The following MAST4 variants were observed in gnomAD, a reference collection of about 807,000 sequenced individuals.
The protein encoded by MAST4 is microtubule-associated serine/threonine-protein kinase 4.
Under a neutral mutation model 162.7 loss-of-function variants are expected in MAST4, and 89 were observed. The observed-to-expected ratio is 0.55, with a 90% CI of 0.46 to 0.65. MAST4 has a LOEUF of 0.65. MAST4 is among the 30% of genes least tolerant of loss of function. MAST4 has a pLI of 0.00. For missense variants in MAST4, 3,153 were observed against 3,374.0 expected (o/e 0.93, Z 1.62); for synonymous variants, 1,479 against 1,361.1 (o/e 1.09, Z -1.91).
intron 7 of MAST4, 105 bp from the exon 8 acceptor site, chr5:67,100,330 A>C: frequency 2.8e-6 from 3 of 1,076,610 alleles, no homozygotes; most frequent in Non-Finnish European, 4.0e-6. Context: ...AAAAAGAAAC[A>C]ATAAAAATGG....
intron 19 of MAST4, among the ~76,000 whole-genome samples, chr5:67,139,495 G>C (rs1006490089): frequency 1.3e-5 from 2 of 152,220 alleles, no homozygotes; most frequent in African/African-American, 4.8e-5. Flanking sequence ...GAGCTGCTCA[G>C]ATGTCACTGC....
At chr5:66,829,343 A>G (rs1379635593) in intron 3 of MAST4, among the ~76,000 whole-genome samples, 1 of 152,066 alleles carries the variant, frequency 6.6e-6, no homozygotes, top group Admixed American at 6.6e-5. Context: ...TTTCCCCGTC[A>G]GTGAAATGAA....
rs182224805 is a variant in MAST4, at chr5:67,095,296, G to C, written c.834-301G>C. On this transcript the variant is annotated intron_variant, in intron 6 of 28. Coordinates refer to ENST00000403625, the MANE Select transcript of MAST4 (RefSeq NM_001164664.2). The stretch of plus-strand genomic sequence containing the variant: ...CCTGCCTTTCTGTTCTTATTCATTT[G>C]AATCTGCTGAGTCTGACCATTGTAA... 1.7e-3 allele frequency among the ~76,000 whole-genome samples: 264 copies of C among 152,220 alleles called. 1 individual carries two copies. Among genetic ancestry groups the C allele is most frequent in the African/African-American group, 6.1e-3 (253 of 41,544 alleles).
intron 3 of MAST4, chr5:66,792,378 G>C (rs191301732): frequency 4.8e-5 from 8 of 167,488 alleles, no homozygotes; most frequent in African/African-American, 1.9e-4. Flanking sequence ...TTTGTTCTTT[G>C]TGTTTATGTC....
At chr5:66,751,419 C>G (rs1461985972) in intron 1 of MAST4, among the ~76,000 whole-genome samples, 1 of 152,070 alleles carries the variant, frequency 6.6e-6, no homozygotes, top group African/African-American at 2.4e-5. Context: ...GAATGTATAA[C>G]TAGAATAACC....
chr5:66,978,054 A>T (rs905116312), intron 4 of MAST4, among the ~76,000 whole-genome samples: 6 of 152,204 alleles, frequency 3.9e-5, no homozygotes, highest in African/African-American at 1.4e-4. Context: ...TTTTATATTG[A>T]TTGCTTATTT....
intron 3 of MAST4, among the ~76,000 whole-genome samples, chr5:66,873,303 G>T (rs575688798): frequency 1.3e-5 from 2 of 152,310 alleles, no homozygotes; most frequent in South Asian, 4.1e-4. Context: ...TACTTGGACA[G>T]TAAATGGCAA....
At chr5:66,750,990 T>C (rs1387459742) in intron 1 of MAST4, among the ~76,000 whole-genome samples, 1 of 152,176 alleles carries the variant, frequency 6.6e-6, no homozygotes, top group Non-Finnish European at 1.5e-5. Context: ...CCCTGACCCC[T>C]GACCCCCAAG....
At position 66,736,151 on chromosome 5, in the gene MAST4, T is replaced by A. The variant is rs561774061; in HGVS notation, c.364-23558T>A. Among the ~76,000 whole-genome samples, 4 of 152,280 alleles carry A rather than the reference T, an allele frequency of 2.6e-5. No homozygotes were observed. The South Asian group carries it at 8.3e-4, about 32-fold the overall frequency. On this transcript the variant is annotated intron_variant, in intron 1 of 28. Transcript: ENST00000403625. ...AACCTTACTTGCATACCATTGATCC[T>A]TCCTTTCCATCTTTATTCATAAACA...
In MAST4 at chr5:66,653,889, C is replaced by G. The variant is rs139385650; in HGVS notation, c.363+56871C>G. On this transcript the variant is annotated intron_variant, in intron 1 of 28. Transcript: ENST00000403625. ...TGTTTCTTCAATAAAGTTGTAAGTT[C>G]TGTAAAGGAGGAGCGTACCTGTTTT... Among the ~76,000 whole-genome samples, 168 of 152,260 alleles carry G rather than the reference C, an allele frequency of 1.1e-3. 2 individuals carry two copies. The highest frequency in any genetic ancestry group is 9.7e-3 in the Admixed American group (148 of 15,288).
At chr5:66,948,229 C>T (rs1374002874) in intron 4 of MAST4, among the ~76,000 whole-genome samples, 3 of 152,126 alleles carry the variant, frequency 2.0e-5, no homozygotes, top group Non-Finnish European at 2.9e-5. Context: ...TTACCTGTTA[C>T]GGAGCCAAAG....
chr5:66,993,018 A>G (rs185682217), intron 4 of MAST4, among the ~76,000 whole-genome samples: 17 of 152,322 alleles, frequency 1.1e-4, no homozygotes, highest in African/African-American at 3.6e-4. Flanking sequence ...TCATCTTTTT[A>G]GAGAAGACAA....
intron 4 of MAST4, among the ~76,000 whole-genome samples, chr5:67,026,851 C>A (rs1439270959): frequency 1.3e-5 from 2 of 152,108 alleles, no homozygotes; most frequent in South Asian, 4.2e-4. Flanking sequence ...GACTCCCTCC[C>A]TCCTTATCTT....
chr5:66,606,057 C>T (rs1369254958), intron 1 of MAST4, among the ~76,000 whole-genome samples: 1 of 152,154 alleles, frequency 6.6e-6, no homozygotes, highest in Admixed American at 6.5e-5. Flanking sequence ...ATTTCTGAAT[C>T]ACCAGTTTCT....
At chr5:67,116,134 T>C (rs1766878593) in intron 12 of MAST4, among the ~76,000 whole-genome samples, 1 of 152,180 alleles carries the variant, frequency 6.6e-6, no homozygotes, top group Admixed American at 6.5e-5. Context: ...GTTTAATCAC[T>C]GGGAGTTGTG....
At chr5:67,024,418 G>A (rs995767557) in intron 4 of MAST4, among the ~76,000 whole-genome samples, 6 of 150,542 alleles carry the variant, frequency 4.0e-5, no homozygotes, top group African/African-American at 1.2e-4. Context: ...ATACATAATC[G>A]TGCAAGCATA....
intron 1 of MAST4, among the ~76,000 whole-genome samples, chr5:66,625,178 G>T (rs946595637): frequency 6.6e-6 from 1 of 152,106 alleles, no homozygotes; most frequent in African/African-American, 2.4e-5. Context: ...ATGTGTGCGT[G>T]TGTGTGTCTT....
At position 66,869,656 on chromosome 5, in the gene MAST4, T is replaced by A. The variant is rs1009804464; in HGVS notation, c.643-30295T>A. 2.0e-5 allele frequency among the ~76,000 whole-genome samples: 3 copies of A among 152,162 alleles called. 1 individual carries two copies. In the East Asian group the frequency reaches 5.8e-4, roughly 29 times the overall value. ...GTGTGATTGATACATGTCTTAAAAGTATAGAGCTGTTATTCCTAGACGAAG... is the reference window on the plus strand; with the variant it reads ...GTGTGATTGATACATGTCTTAAAAGAATAGAGCTGTTATTCCTAGACGAAG... On this transcript the variant is annotated intron_variant, in intron 3 of 28. Coordinates refer to ENST00000403625, the MANE Select transcript of MAST4 (RefSeq NM_001164664.2).
At chr5:66,988,605 G>C (rs1170542999) in intron 4 of MAST4, among the ~76,000 whole-genome samples, 1 of 152,170 alleles carries the variant, frequency 6.6e-6, no homozygotes, top group Admixed American at 6.5e-5. Flanking sequence ...GTACTTAGAG[G>C]TTAAGTAACT....
Sources: allele counts gnomAD v4.1 joint callset (sites outside exome capture counted in the v4.1 genomes callset), GRCh38; gene constraint gnomAD v4.1.1; transcripts MANE v1.5; gene names NCBI Gene and HGNC (gene_info 2026-07-23, HGNC 2026-07-21).